CLIP1: variants seen among roughly 807,000 people sequenced by gnomAD.
CLIP1 encodes CAP-Gly domain containing linker protein 1.
CLIP1 carries 66 observed loss-of-function variants against 161.6 expected under a neutral mutation model. That is an observed-to-expected ratio of 0.41 (90% confidence interval 0.33 to 0.50). The LOEUF is 0.50. CLIP1 is among the 20% of genes least tolerant of loss of function. The pLI is 0.27. For missense variants in CLIP1, 1,376 were observed against 1,702.0 expected (o/e 0.81, Z 3.37); for synonymous variants, 598 against 626.2 (o/e 0.96, Z 0.67).
intron 1 of CLIP1, among the ~76,000 whole-genome samples, chr12:122,381,694 C>T (rs1159511154): frequency 6.6e-6 from 1 of 152,214 alleles, no homozygotes; most frequent in Non-Finnish European, 1.5e-5. Context: ...ACTTTCTCAT[C>T]TTGTCTCCCT....
At chr12:122,277,763 G>A (rs12825279) in intron 24 of CLIP1, 36,424 of 157,284 alleles carry the variant, frequency 0.23, 5,231 homozygotes, top group East Asian at 0.62. Context: ...GTAAATCCAC[G>A]TAATGGAACA....
chr12:122,272,840 G>C lies in CLIP1; in HGVS notation c.*35C>G, dbSNP rs533000142. 6.3e-7 allele frequency: 1 copy of C among 1,580,886 alleles called. No individual in the cohort carries two copies. Among genetic ancestry groups the C allele is most frequent in the Middle Eastern group, 1.7e-4 (1 of 6,006 alleles). ...TGTTACGTTGTGTCAATGCGAGTGC[G>C]TCTGAGCAAGCCCAGTTCTCCACTG... On this transcript the variant is annotated 3_prime_UTR_variant, in exon 26 of 26. Transcript: ENST00000620786.
At chr12:122,409,565 T>A (rs1956451420) in intron 1 of CLIP1, among the ~76,000 whole-genome samples, 1 of 152,188 alleles carries the variant, frequency 6.6e-6, no homozygotes, top group African/African-American at 2.4e-5. Context: ...AGAGTCTCAC[T>A]CTGTTGCCCA....
intron 1 of CLIP1, among the ~76,000 whole-genome samples, chr12:122,392,175 G>A (rs1350486137): frequency 6.6e-6 from 1 of 152,100 alleles, no homozygotes; most frequent in Non-Finnish European, 1.5e-5. Flanking sequence ...GGAGGCCGAG[G>A]CAGGAGAACG....
At position 122,272,821 on chromosome 12, in the gene CLIP1, G is replaced by A. The variant is rs781326324; in HGVS notation, c.*54C>T. 3.6e-5 allele frequency: 51 copies of A among 1,431,538 alleles called. No homozygotes were observed. Among genetic ancestry groups the A allele is most frequent in the Non-Finnish European group, 4.4e-5 (45 of 1,014,110 alleles). 88.7% of individuals were successfully genotyped at this position (1,431,538 alleles called of 1,614,324 possible). A position where few individuals can be genotyped will look rare whatever the true frequency, so the allele number is the denominator to read the frequency against. On this transcript the variant is annotated 3_prime_UTR_variant, in exon 26 of 26. Coordinates refer to ENST00000620786, the MANE Select transcript of CLIP1 (RefSeq NM_001247997.2). ...TCTGCACACACAATGCTGGTGTTAC[G>A]TTGTGTCAATGCGAGTGCGTCTGAG...
At chr12:122,383,338 T>C (rs945544252) in intron 1 of CLIP1, among the ~76,000 whole-genome samples, 5 of 152,240 alleles carry the variant, frequency 3.3e-5, no homozygotes, top group Admixed American at 6.5e-5. Context: ...AAGAGGAATT[T>C]TGAAAACGGC....
intron 20 of CLIP1, among the ~76,000 whole-genome samples, chr12:122,293,828 A>T (rs1405605136): frequency 2.4e-5 from 3 of 125,302 alleles, no homozygotes; most frequent in African/African-American, 1.0e-4. Flanking sequence ...TTTTTGAGAC[A>T]GAGTCTTGCT....
chr12:122,313,855 C>T (rs1303500123), intron 19 of CLIP1, among the ~76,000 whole-genome samples: 3 of 152,096 alleles, frequency 2.0e-5, no homozygotes, highest in Admixed American at 6.5e-5. Flanking sequence ...TAGTAATGAC[C>T]GCAACAAAAG....
chr12:122,352,629 G>C, intron 8 of CLIP1, 97 bp downstream of exon 8: 1 of 1,108,374 alleles, frequency 9.0e-7, no homozygotes, highest in Non-Finnish European at 1.4e-6. Context: ...TTCCTCAGCT[G>C]GCTGTTCTGG....
At chr12:122,389,634 C>T (rs1955496233) in intron 1 of CLIP1, among the ~76,000 whole-genome samples, 1 of 151,778 alleles carries the variant, frequency 6.6e-6, no homozygotes, top group Non-Finnish European at 1.5e-5. Context: ...TGGTGCATGC[C>T]TGTAGGCCCA....
At chr12:122,314,613 G>A (rs955774344) in intron 19 of CLIP1, among the ~76,000 whole-genome samples, 4 of 152,302 alleles carry the variant, frequency 2.6e-5, no homozygotes, top group East Asian at 1.9e-4. Context: ...GGAGCTTGGC[G>A]GTGGGATTAT....
chr12:122,355,067 G>A lies in CLIP1; in HGVS notation c.1203+48C>T. The A allele has an allele frequency of 6.4e-7, 1 of 1,571,904 alleles. No homozygotes were observed. Among genetic ancestry groups the A allele is most frequent in the Non-Finnish European group, 8.7e-7 (1 of 1,146,244 alleles). On this transcript the variant is annotated intron_variant, in intron 6 of 25. Transcript: ENST00000620786. This position sits in a 1 kb window ranked among gnomAD's most constrained non-coding sequence, Gnocchi z 4.1. ...ACCGGGCATGCTTCTCGGCTCCTCA[G>A]TGGCTTTAGAAACCATCACCATCTC...
In CLIP1 at chr12:122,340,933, C is replaced by T. The variant is rs773712295; in HGVS notation, c.2271G>A (p.Lys757=). Residue 757 remains lysine, a synonymous_variant, in exon 11 of 26, where the codon AAG becomes AAA. Coordinates refer to ENST00000620786, the MANE Select transcript of CLIP1 (RefSeq NM_001247997.2). ...VLQAKCNEQT[K]VIDNFTSQLK... is the part of the protein sequence containing the mutation. ...GCTGTGATGTAAAATTATCAATAACCTTGGTTTGTTCATTGCATTTGGCTT... is the reference window on the plus strand; with the variant it reads ...GCTGTGATGTAAAATTATCAATAACTTTGGTTTGTTCATTGCATTTGGCTT... The T allele has an allele frequency of 1.2e-5, 19 of 1,614,164 alleles. No individual in the cohort carries two copies. The South Asian group carries it at 1.9e-4, about 16-fold the overall frequency.
rs118163401 is a variant in CLIP1 at position 122,285,828 on chromosome 12, G to A, written c.3647+2661C>T. 9.5e-4 allele frequency among the ~76,000 whole-genome samples: 144 copies of A among 151,352 alleles called. 3 individuals are homozygous for A. The East Asian group carries it at 0.021, about 22-fold the overall frequency. ...GAACAAGCCCTATTTATTTTTTCAC[G>A]TGTCCTTGATAACTCCTTACATAAG... is the stretch of plus-strand genomic sequence containing the variant. On this transcript the variant is annotated intron_variant, in intron 21 of 25. Coordinates refer to ENST00000620786, the MANE Select transcript of CLIP1 (RefSeq NM_001247997.2).
chr12:122,282,980 G>C (rs1195490950), intron 21 of CLIP1, among the ~76,000 whole-genome samples: 1 of 152,134 alleles, frequency 6.6e-6, no homozygotes, highest in Non-Finnish European at 1.5e-5. Flanking sequence ...AGTAGCACGG[G>C]ACCTCCTCAG....
At chr12:122,365,144 G>A (rs1174026744) in intron 3 of CLIP1, 18 of 414,928 alleles carry the variant, frequency 4.3e-5, no homozygotes, top group Middle Eastern at 1.3e-3. Context: ...TAAATGACGA[G>A]TTAATGGGTG....
chr12:122,274,378 G>GT lies in CLIP1; in HGVS notation c.3967-217dup. ...TGAACTTAAATGAGGCCATGTCTAG[G>GT]TGGTAAGGCTATGGCAGTTTCTTTT... On this transcript the variant is annotated intron_variant, in intron 24 of 25. Transcript: ENST00000620786. 8.5e-6 allele frequency: 4 copies of GT among 470,160 alleles called. No homozygotes were observed. The South Asian group carries it at 9.7e-5, about 11-fold the overall frequency. The allele number at this position is 470,160 out of a possible 1,614,324, so 29.1% of individuals were successfully genotyped here.
chr12:122,395,479 T>C (rs1466988365), intron 1 of CLIP1: 1 of 152,224 alleles, frequency 6.6e-6, no homozygotes, highest in African/African-American at 2.4e-5. Context: ...TATGAGGTCA[T>C]GACAATGACC....
intron 21 of CLIP1, 84 bp downstream of exon 21, chr12:122,288,405 G>C: frequency 1.7e-6 from 2 of 1,204,436 alleles, no homozygotes; most frequent in Admixed American, 2.4e-5. Context: ...AAGGTCACTT[G>C]TTTTCTACTA....
Sources: gnomAD v4.1 joint callset for allele counts (sites outside exome capture counted in the v4.1 genomes callset) on GRCh38, gnomAD v4.1.1 for gene constraint, Gnocchi (gnomAD v3.1) non-coding constraint, MANE v1.5 for transcripts, NCBI Gene and HGNC (gene_info 2026-07-23, HGNC 2026-07-21) for gene names.